PHRF1: variants seen among roughly 807,000 people sequenced by gnomAD.
PHRF1 encodes the protein PHD and RING finger domain-containing protein 1.
PHRF1 carries 53 observed loss-of-function variants against 128.9 expected under a neutral mutation model. The ratio of observed to expected loss-of-function variants is 0.41; its 90% CI spans 0.33 to 0.52. The LOEUF is 0.52. PHRF1 is among the 20% of genes least tolerant of loss of function. The probability of loss-of-function intolerance (pLI) is 0.21; values close to 1 mark genes in which losing one functional copy is unlikely to be tolerated. For missense variants in PHRF1, 2,503 were observed against 2,284.5 expected (o/e 1.10, Z -1.95); for synonymous variants, 1,178 against 980.6 (o/e 1.20, Z -3.76).
rs761169606 is a variant in PHRF1 at position 608,951 on chromosome 11, C to T, written c.3495C>T (p.Ser1165=). The change falls in exon 14 of 18, where the codon TCC becomes TCT. Residue 1165 remains serine, a synonymous_variant. Coordinates refer to ENST00000264555, the MANE Select transcript of PHRF1 (RefSeq NM_001286581.2). ...PRDRRKRRSR[S]PSSEHRAREH... ...ACCGGAGGAAGCGGAGGTCCCGGTC[C>T]CCAAGCTCGGAGCACAGGGCACGGG... 2 of 1,610,808 alleles carry T rather than the reference C, an allele frequency of 1.2e-6. No homozygotes were observed. The highest frequency in any genetic ancestry group is 2.7e-5 in the African/African-American group (2 of 74,774).
intron 3 of PHRF1, among the ~76,000 whole-genome samples, chr11:583,528 A>C (rs569300882): frequency 1.3e-5 from 2 of 152,244 alleles, no homozygotes; most frequent in East Asian, 1.9e-4. Context: ...AAAAGATAAA[A>C]AATTCTCAGC....
Position 609,379 on chromosome 11 carries a change from C to T in PHRF1, c.3923C>T (p.Ala1308Val), listed in dbSNP as rs751384054. 152 of 1,611,536 alleles carry T rather than the reference C, an allele frequency of 9.4e-5. No homozygotes were observed. The highest frequency in any genetic ancestry group is 5.3e-4 in the East Asian group (24 of 44,896). The change falls in exon 14 of 18, where the codon GCG becomes GTG. Residue 1308 changes from alanine (A) to valine (V), a missense_variant. Transcript: ENST00000264555. ...GAGCGAGACTTCCCACTGAAGCCTG[C>T]GTTGCCCCCAGCCAGCCTGGCCGTG... is the stretch of plus-strand genomic sequence containing the variant. ...SPERDFPLKP[A>V]LPPASLAVAA...
chr11:596,854 C>T, intron 6 of PHRF1, 69 bp from the exon 7 acceptor site: 2 of 1,409,380 alleles, frequency 1.4e-6, no homozygotes, highest in South Asian at 1.2e-5. Context: ...TTTGTGGTCC[C>T]CTCACTTGAG....
At chr11:580,142 C>T (rs965331522) in intron 1 of PHRF1, among the ~76,000 whole-genome samples, 2 of 152,188 alleles carry the variant, frequency 1.3e-5, no homozygotes, top group Non-Finnish European at 2.9e-5. Context: ...GCTGCAGGGC[C>T]GGCTTCACTG....
In PHRF1 at chr11:577,257, C is replaced by T. The variant is rs559191596; in HGVS notation, c.-22+665C>T. On this transcript the variant is annotated intron_variant, in intron 1 of 17. Transcript: ENST00000264555. The stretch of plus-strand genomic sequence containing the variant: ...GAAAGGCTAAGTAACTGGCCAGCGC[C>T]GGCAGCCGGGGATCCGCGCCAGCCC... Among the ~76,000 whole-genome samples, 6 of 152,344 alleles carry T rather than the reference C, an allele frequency of 3.9e-5. No individual in the cohort carries two copies. In the South Asian group the frequency reaches 6.2e-4, roughly 16 times the overall value.
chr11:595,271 C>T (rs1426674357), intron 6 of PHRF1, among the ~76,000 whole-genome samples: 2 of 152,054 alleles, frequency 1.3e-5, no homozygotes, highest in African/African-American at 4.8e-5. Flanking sequence ...TGCAGTGAGC[C>T]GAGATTGCGC....
At chr11:595,186 G>C (rs1589879283) in intron 6 of PHRF1, among the ~76,000 whole-genome samples, 1 of 152,286 alleles carries the variant, frequency 6.6e-6, no homozygotes, top group South Asian at 2.1e-4. Flanking sequence ...GGCCGGGCGT[G>C]GTGGTTCACA....
In PHRF1 at chr11:610,291, C is replaced by T; in HGVS notation, c.4360C>T (p.Pro1454Ser). The T allele has an allele frequency of 2.6e-6, 4 of 1,563,440 alleles. No homozygotes were observed. In the African/African-American group the frequency reaches 4.1e-5, roughly 16 times the overall value. The change falls in exon 15 of 18, where the codon CCC (proline) becomes TCC (serine). Residue 1454 changes from proline (P) to serine (S), a missense_variant. Pro to Ser is a moderately conservative substitution (Grantham distance 74, BLOSUM62 -1). Transcript: ENST00000264555. Reference protein sequence around the residue: ...TGVRQVFSELPFPSHVLPEPG... With the variant: ...TGVRQVFSELSFPSHVLPEPG... ...GGTCAGGCAGGTGTTCTCCGAGCTGCCCTTTCCCAGTCACGTGCTTCCGGA... is the reference window on the plus strand; with the variant it reads ...GGTCAGGCAGGTGTTCTCCGAGCTGTCCTTTCCCAGTCACGTGCTTCCGGA...
rs1231613512 is a variant in PHRF1 at position 611,885 on chromosome 11, A to T, written c.*108A>T. ...GCGGGAATCGGGGCCATGCCCGGGG[A>T]GCTGTCGGGAGTGGCGGGAAATGGG... On this transcript the variant is annotated 3_prime_UTR_variant, in exon 18 of 18. Coordinates refer to ENST00000264555, the MANE Select transcript of PHRF1 (RefSeq NM_001286581.2). 2.2e-5 allele frequency: 32 copies of T among 1,461,330 alleles called. No individual in the cohort carries two copies. Among genetic ancestry groups the T allele is most frequent in the Non-Finnish European group, 2.3e-5 (26 of 1,108,670 alleles). 90.5% of individuals were successfully genotyped at this position (1,461,330 alleles called of 1,614,324 possible).
rs1187932570 is a variant in PHRF1, at chr11:584,773, T to G, written c.215-2486T>G. Among the ~76,000 whole-genome samples, 4 of 149,812 alleles carry G rather than the reference T, an allele frequency of 2.7e-5. No individual in the cohort carries two copies. The East Asian group carries it at 7.8e-4, about 29-fold the overall frequency. ...TTTTTTTGAGACCGAGTTTCACTCT[T>G]GTTGCCCAGGCTGGAGTGTAGTGGC... On this transcript the variant is annotated intron_variant, in intron 3 of 17. Coordinates refer to ENST00000264555, the MANE Select transcript of PHRF1 (RefSeq NM_001286581.2).
chr11:602,603 C>A (rs1855689461), intron 10 of PHRF1, among the ~76,000 whole-genome samples: 1 of 151,790 alleles, frequency 6.6e-6, no homozygotes, highest in Admixed American at 6.6e-5. Context: ...TCACTTGAAC[C>A]CTGGGAGGCA....
chr11:598,642 C>A, intron 9 of PHRF1, 140 bp downstream of exon 9: 1 of 1,328,786 alleles, frequency 7.5e-7, no homozygotes, highest in Non-Finnish European at 1.0e-6. Flanking sequence ...AAACACTACA[C>A]AGAAGCCGCG....
Position 605,214 on chromosome 11 carries a change from G to T in PHRF1, c.1248G>T (p.Glu416Asp). 2 of 1,613,526 alleles carry T rather than the reference G, an allele frequency of 1.2e-6. No homozygotes were observed. Among genetic ancestry groups the T allele is most frequent in the Non-Finnish European group, 1.7e-6 (2 of 1,179,878 alleles). ...TCCCGTCAGTGTTGAAGCCAGTGGA[G>T]CCCTCTTTGGGGCTGCTGAGAGCGG... ...SCIPSVLKPV[E>D]PSLGLLRADI... is the part of the protein sequence containing the mutation. The change falls in exon 11 of 18, where the codon GAG becomes GAT. Residue 416 changes from glutamate to aspartate, a missense_variant. Glu to Asp is a conservative substitution (Grantham distance 45). Coordinates refer to ENST00000264555, the MANE Select transcript of PHRF1 (RefSeq NM_001286581.2).
intron 4 of PHRF1, among the ~76,000 whole-genome samples, chr11:590,134 C>CCTGAGAATGTGTGCAAACGGGCACGG (rs1423830284): frequency 6.6e-6 from 1 of 152,214 alleles, no homozygotes; most frequent in Admixed American, 6.5e-5. Context: ...CAGGGTTCAG[C>CCTGAGAATGTGTGCAAACGGGCACGG]AGCAGGGCTC....
chr11:578,371 A>G (rs1196062877), intron 1 of PHRF1, among the ~76,000 whole-genome samples: 1 of 152,138 alleles, frequency 6.6e-6, no homozygotes, highest in Non-Finnish European at 1.5e-5. Context: ...AGGCCCGTGG[A>G]GTCTTCCCTC....
chr11:578,347 TGGA>T (rs1210505079), intron 1 of PHRF1, among the ~76,000 whole-genome samples: 2 of 152,200 alleles, frequency 1.3e-5, no homozygotes, highest in East Asian at 1.9e-4. Context: ...GCTGCTGTGG[TGGA>T]GGAGTGTAAG....
In PHRF1 at chr11:611,910, G is replaced by A; in HGVS notation, c.*133G>A. On this transcript the variant is annotated 3_prime_UTR_variant, in exon 18 of 18. Coordinates refer to ENST00000264555, the MANE Select transcript of PHRF1 (RefSeq NM_001286581.2). ...AGCTGTCGGGAGTGGCGGGAAATGG[G>A]GGGCATCACCATGCCTGCCGTCGGG... 2 of 1,408,858 alleles carry A rather than the reference G, an allele frequency of 1.4e-6. No homozygotes were observed. Among genetic ancestry groups the A allele is most frequent in the East Asian group, 5.0e-5 (2 of 39,952 alleles). The allele number at this position is 1,408,858 out of a possible 1,614,324, so 87.3% of individuals were successfully genotyped here.
chr11:609,060 TC>T lies in PHRF1; in HGVS notation c.3608del (p.Pro1203GlnfsTer84). 1 of 1,596,274 alleles carries T rather than the reference TC, an allele frequency of 6.3e-7. No homozygotes were observed. The highest frequency in any genetic ancestry group is 8.5e-7 in the Non-Finnish European group (1 of 1,171,810). ...PERKGAVREA[S>X]PAPLAQGEPG... ...GAGGAAGGGGGCTGTGAGGGAGGCT[TC>T]CCCAGCGCCCCTTGCACAGGGGGAG... is the stretch of plus-strand genomic sequence containing the variant. On this transcript the variant is annotated frameshift_variant, in exon 14 of 18. Transcript: ENST00000264555. LOFTEE classifies it high-confidence loss of function.
rs764626732 is a variant in PHRF1 at position 608,632 on chromosome 11, C to G, written c.3176C>G (p.Ser1059Cys). The change falls in exon 14 of 18, where the codon TCC becomes TGC. Residue 1059 changes from serine to cysteine, a missense_variant. Coordinates refer to ENST00000264555, the MANE Select transcript of PHRF1 (RefSeq NM_001286581.2). ...AKSRRSSSDR[S>C]SSRERAKRKK... Reference sequence around the variant, plus strand: ...AGCCGGCGGTCCTCCAGTGACCGCTCCAGCAGCCGAGAGCGAGCTAAGAGG... The same window carrying G: ...AGCCGGCGGTCCTCCAGTGACCGCTGCAGCAGCCGAGAGCGAGCTAAGAGG... 3 of 1,612,028 alleles carry G rather than the reference C, an allele frequency of 1.9e-6. No homozygotes were observed. Among genetic ancestry groups the G allele is most frequent in the South Asian group, 2.2e-5 (2 of 91,052 alleles).
Sources: allele counts gnomAD v4.1 joint callset (sites outside exome capture counted in the v4.1 genomes callset), GRCh38; gene constraint gnomAD v4.1.1; transcripts MANE v1.5; gene names NCBI Gene and HGNC (gene_info 2026-07-23, HGNC 2026-07-21).